SYT1: variants seen among roughly 807,000 people sequenced by gnomAD.
SYT1 encodes the protein synaptotagmin 1.
Under a neutral mutation model 44.8 loss-of-function variants are expected in SYT1, and 8 were observed. That is an observed-to-expected ratio of 0.18 (90% CI 0.10 to 0.32). SYT1 has a LOEUF of 0.32. Ranked by LOEUF, SYT1 falls within the 10% of genes least tolerant of loss-of-function variation. The pLI is 1.00. For synonymous variants in SYT1, 154 were observed against 188.8 expected, an observed-to-expected ratio of 0.82 and a Z score of 1.51; for missense variants, 286 against 509.3, an observed-to-expected ratio of 0.56 and a Z score of 4.22.
intron 3 of SYT1, among the ~76,000 whole-genome samples, chr12:79,064,967 A>AGAAAGAAAGAAAGAAAGAAAGAAG (rs1565789362): frequency 9.3e-5 from 14 of 150,950 alleles, no homozygotes; most frequent in African/African-American, 3.2e-4. Flanking sequence ...AAAGAAAGAA[A>AGAAAGAAAGAAAGAAAGAAAGAAG]GAAAGAAAGA....
intron 3 of SYT1, among the ~76,000 whole-genome samples, chr12:79,142,193 G>A (rs1447420327): frequency 6.6e-6 from 1 of 152,130 alleles, no homozygotes; most frequent in African/African-American, 2.4e-5. Context: ...TTATACCTGG[G>A]GACTCACAGC....
intron 3 of SYT1, among the ~76,000 whole-genome samples, chr12:79,190,210 A>AT (rs1276119848): frequency 1.3e-5 from 2 of 152,130 alleles, no homozygotes; most frequent in African/African-American, 2.4e-5. Flanking sequence ...AACATGATGC[A>AT]TATATATTTT....
At chr12:78,966,231 G>A (rs944425758) in intron 1 of SYT1, among the ~76,000 whole-genome samples, 7 of 151,916 alleles carry the variant, frequency 4.6e-5, no homozygotes, top group African/African-American at 1.7e-4. Flanking sequence ...ACATTTATTT[G>A]TAATCATTTA....
At chr12:79,109,275 T>C (rs967977312) in intron 3 of SYT1, among the ~76,000 whole-genome samples, 2 of 152,212 alleles carry the variant, frequency 1.3e-5, no homozygotes, top group Non-Finnish European at 2.9e-5. Flanking sequence ...AATATTGAAC[T>C]TTATCATATG....
chr12:79,210,093 A>C (rs1874351103), intron 3 of SYT1, among the ~76,000 whole-genome samples: 1 of 152,188 alleles, frequency 6.6e-6, no homozygotes, highest in African/African-American at 2.4e-5. Context: ...ATGTAATCTG[A>C]GAAATCTATA....
chr12:78,894,905 G>A (rs1592532851), intron 1 of SYT1, among the ~76,000 whole-genome samples: 1 of 151,622 alleles, frequency 6.6e-6, no homozygotes, highest in Non-Finnish European at 1.5e-5. Context: ...CTAAAAAGTA[G>A]ATTTTAAGTG....
chr12:79,397,884 A>G (rs1286293191), intron 9 of SYT1, among the ~76,000 whole-genome samples: 1 of 152,156 alleles, frequency 6.6e-6, no homozygotes, highest in Non-Finnish European at 1.5e-5. Context: ...TCCACTATCC[A>G]CTGTAAATTC....
chr12:78,911,855 G>A (rs1876350951), intron 1 of SYT1, among the ~76,000 whole-genome samples: 1 of 151,918 alleles, frequency 6.6e-6, no homozygotes, highest in South Asian at 2.1e-4. Context: ...GGTAGTGATG[G>A]AGTCCTAGAG....
At chr12:79,144,646 AG>A (rs1869766034) in intron 3 of SYT1, among the ~76,000 whole-genome samples, 1 of 152,210 alleles carries the variant, frequency 6.6e-6, no homozygotes, top group Non-Finnish European at 1.5e-5. Context: ...ACCCGACACT[AG>A]GAAGACCAGA....
chr12:78,916,187 G>A (rs773785360), intron 1 of SYT1, among the ~76,000 whole-genome samples: 1 of 151,988 alleles, frequency 6.6e-6, no homozygotes, highest in African/African-American at 2.4e-5. Context: ...TGCCAGACAG[G>A]CATTAACATT....
intron 3 of SYT1, among the ~76,000 whole-genome samples, chr12:79,122,702 T>C (rs1367850479): frequency 1.3e-5 from 2 of 152,108 alleles, no homozygotes; most frequent in East Asian, 3.9e-4. Flanking sequence ...GCCTATAAAT[T>C]GAGTCTGGTA....
At chr12:79,312,524 C>CA (rs146155600) in intron 8 of SYT1, among the ~76,000 whole-genome samples, 1,598 of 151,954 alleles carry the variant, frequency 0.011, 30 homozygotes, top group African/African-American at 0.036. Flanking sequence ...GATAAAAGAA[C>CA]AAAAAATGAA....
chr12:79,075,244 T>A (rs1876562714), intron 3 of SYT1, among the ~76,000 whole-genome samples: 1 of 152,210 alleles, frequency 6.6e-6, no homozygotes, highest in Non-Finnish European at 1.5e-5. Flanking sequence ...AATTTCATAG[T>A]GAATTTCTCT....
intron 3 of SYT1, among the ~76,000 whole-genome samples, chr12:79,153,161 T>C (rs1870385849): frequency 6.6e-6 from 1 of 152,134 alleles, no homozygotes; most frequent in Non-Finnish European, 1.5e-5. Flanking sequence ...GGCTGAGTTC[T>C]AGCCCAAGAC....
chr12:79,050,963 T>C (rs1874436205), intron 3 of SYT1, among the ~76,000 whole-genome samples: 1 of 151,934 alleles, frequency 6.6e-6, no homozygotes, highest in South Asian at 2.1e-4. Context: ...TTTATAGAGG[T>C]TACCTCCTCT....
chr12:79,107,222 T>C (rs180845357), intron 3 of SYT1, among the ~76,000 whole-genome samples: 23 of 152,096 alleles, frequency 1.5e-4, no homozygotes, highest in Admixed American at 1.4e-3. Flanking sequence ...ATAAATTTTA[T>C]TTTTTATCCA....
intron 9 of SYT1, among the ~76,000 whole-genome samples, chr12:79,386,787 C>T (rs7132563): frequency 2.6e-5 from 4 of 152,164 alleles, no homozygotes; most frequent in South Asian, 2.1e-4. Flanking sequence ...TGCCTAGCCT[C>T]GTGCATCCAT....
intron 4 of SYT1, among the ~76,000 whole-genome samples, chr12:79,232,556 T>C (rs903391684): frequency 2.6e-5 from 4 of 152,216 alleles, no homozygotes; most frequent in African/African-American, 9.6e-5. Flanking sequence ...CTAGTTAGCC[T>C]TCAGAACTCT....
intron 3 of SYT1, among the ~76,000 whole-genome samples, chr12:79,213,313 G>A (rs773878006): frequency 1.3e-5 from 2 of 152,024 alleles, no homozygotes; most frequent in Non-Finnish European, 2.9e-5. Flanking sequence ...CAAAAAACAG[G>A]ATTATATTGG....
Sources: allele counts gnomAD v4.1 joint callset (sites outside exome capture counted in the v4.1 genomes callset), GRCh38; gene constraint gnomAD v4.1.1; transcripts MANE v1.5; gene names NCBI Gene and HGNC (gene_info 2026-07-23, HGNC 2026-07-21).